The following CADPS variants were observed in gnomAD, a reference collection of about 807,000 sequenced individuals.
The protein encoded by CADPS is calcium dependent secretion activator, also known as calcium-dependent secretion activator 1.
In CADPS, 57 loss-of-function variants were observed where a neutral mutation model predicts 167.3. The ratio of observed to expected loss-of-function variants is 0.34; its 90% CI spans 0.28 to 0.42. The LOEUF (loss-of-function observed/expected upper bound fraction) is 0.42. Among genes scored for constraint, CADPS ranks in the 20% least tolerant of loss-of-function variants. The pLI is 1.00. For synonymous variants in CADPS, 676 were observed against 635.3 expected (o/e 1.06, Z -0.96); for missense variants, 1,414 against 1,738.1 (o/e 0.81, Z 3.32).
At position 62,593,576 on chromosome 3, in the gene CADPS, T is replaced by C. The variant is rs147782255; in HGVS notation, c.1326-828A>G. ...CCCCAGGTCCAGGGCACCTGTTCCA[T>C]TGCACTCAGGGGGCAATCTGGACCC... On this transcript the variant is annotated intron_variant, in intron 6 of 29. Coordinates refer to ENST00000383710, the MANE Select transcript of CADPS (RefSeq NM_003716.4). Among the ~76,000 whole-genome samples the C allele has an allele frequency of 1.2e-4, 18 of 152,286 alleles. No homozygotes were observed. In the South Asian group the frequency reaches 1.7e-3, roughly 14 times the overall value.
At chr3:62,463,014 A>C (rs556923245) in intron 26 of CADPS, among the ~76,000 whole-genome samples, 8 of 152,236 alleles carry the variant, frequency 5.3e-5, no homozygotes, top group African/African-American at 1.9e-4. Flanking sequence ...TAAGGAGGGA[A>C]GTTACGGGCC....
chr3:62,771,418 A>C (rs2088712336), intron 1 of CADPS, among the ~76,000 whole-genome samples: 1 of 152,170 alleles, frequency 6.6e-6, no homozygotes, highest in African/African-American at 2.4e-5. Context: ...AGCTTGCAAA[A>C]GCCAGTCTAA....
chr3:62,407,346 G>T (rs537055358), intron 28 of CADPS, among the ~76,000 whole-genome samples: 27 of 152,300 alleles, frequency 1.8e-4, no homozygotes, highest in Middle Eastern at 3.4e-3. Flanking sequence ...CCATGCAATT[G>T]TGTTGTAAAG....
intron 17 of CADPS, among the ~76,000 whole-genome samples, chr3:62,506,064 G>T (rs1005126527): frequency 6.6e-6 from 1 of 152,138 alleles, no homozygotes; most frequent in African/African-American, 2.4e-5. Context: ...CCAAGCCAGA[G>T]AATAACATCA....
rs780996482 is a variant in CADPS, at chr3:62,492,396, C to A, written c.2778G>T (p.Leu926=). ...CATCCATGTCTACTGCAAAGAGTGACAGGAACGTCTCCGCATGCTCCACCA... is the reference window on the plus strand; with the variant it reads ...CATCCATGTCTACTGCAAAGAGTGAAAGGAACGTCTCCGCATGCTCCACCA... ...DLMVEHAETF[L]SLFAVDMDAA... Residue 926 remains leucine, a synonymous_variant, in exon 20 of 30, where the codon CTG becomes CTT. Transcript: ENST00000383710. 6.2e-7 allele frequency: 1 copy of A among 1,614,100 alleles called. No homozygotes were observed. Among genetic ancestry groups the A allele is most frequent in the Non-Finnish European group, 8.5e-7 (1 of 1,179,954 alleles).
intron 1 of CADPS, among the ~76,000 whole-genome samples, chr3:62,798,018 T>G (rs770927335): frequency 6.6e-6 from 1 of 152,130 alleles, no homozygotes; most frequent in Non-Finnish European, 1.5e-5. Flanking sequence ...GGCACTACAT[T>G]TGGAGCTGTG....
chr3:62,826,144 T>A (rs74662761), intron 1 of CADPS, among the ~76,000 whole-genome samples: 3,933 of 152,274 alleles, frequency 0.026, 74 homozygotes, highest in Middle Eastern at 0.065. Context: ...TGGAGGCAGA[T>A]GACAGTCAGT....
intron 25 of CADPS, among the ~76,000 whole-genome samples, 192 bp downstream of exon 25, chr3:62,466,147 C>T (rs1164369380): frequency 1.3e-5 from 2 of 152,188 alleles, no homozygotes; most frequent in African/African-American, 4.8e-5. Context: ...TATGCCACTT[C>T]ATCAATTTAT....
Position 62,438,137 on chromosome 3 carries a change from G to A in CADPS, c.3744C>T (p.Val1248=), listed in dbSNP as rs2055532329. Reference sequence around the variant, plus strand: ...ACCTTTCTATGTACATCTCCTCATTGACCTTATCACGCAGGACATCCTGAG... The same window carrying A: ...ACCTTTCTATGTACATCTCCTCATTAACCTTATCACGCAGGACATCCTGAG... ...RHSQDVLRDK[V]NEEMYIERLF... The change falls in exon 28 of 30, where the codon GTC becomes GTT. Residue 1248 remains valine, a synonymous_variant. Coordinates refer to ENST00000383710, the MANE Select transcript of CADPS (RefSeq NM_003716.4). The surrounding 1 kb of genome is among the most constrained non-coding windows in gnomAD (Gnocchi z 4.7). 6.2e-7 allele frequency: 1 copy of A among 1,613,318 alleles called. No individual in the cohort carries two copies. The highest frequency in any genetic ancestry group is 1.3e-5 in the African/African-American group (1 of 74,896).
At chr3:62,579,954 G>A (rs1015535929) in intron 8 of CADPS, among the ~76,000 whole-genome samples, 1 of 152,162 alleles carries the variant, frequency 6.6e-6, no homozygotes. Flanking sequence ...GGAAGCAGGG[G>A]TGAAAGGTTG....
chr3:62,402,737 A>T (rs1280791865), intron 29 of CADPS, among the ~76,000 whole-genome samples: 2 of 152,266 alleles, frequency 1.3e-5, no homozygotes, highest in Non-Finnish European at 2.9e-5. Context: ...ATTAAACTAT[A>T]AATGAAATTG....
chr3:62,800,884 G>A (rs1370032335), intron 1 of CADPS, among the ~76,000 whole-genome samples: 1 of 152,092 alleles, frequency 6.6e-6, no homozygotes, highest in Non-Finnish European at 1.5e-5. Flanking sequence ...TTTACACCTA[G>A]AGCCCCCAGT....
At chr3:62,554,539 A>G (rs527464173) in intron 10 of CADPS, among the ~76,000 whole-genome samples, 1 of 152,236 alleles carries the variant, frequency 6.6e-6, no homozygotes, top group Non-Finnish European at 1.5e-5. Flanking sequence ...AGTCCTCCCC[A>G]TTTGCACACT....
At chr3:62,598,361 T>C (rs2059216470) in intron 6 of CADPS, among the ~76,000 whole-genome samples, 1 of 152,188 alleles carries the variant, frequency 6.6e-6, no homozygotes, top group African/African-American at 2.4e-5. Flanking sequence ...CTGTGGGAAT[T>C]CTGGCCTTTT....
rs2059858275 is a variant in CADPS, at chr3:62,465,610, C to A, written c.3553-160G>T. Among the ~76,000 whole-genome samples the A allele has an allele frequency of 6.6e-6, 1 of 152,152 alleles. No individual in the cohort carries two copies. Among genetic ancestry groups the A allele is most frequent in the African/African-American group, 2.4e-5 (1 of 41,428 alleles). On this transcript the variant is annotated intron_variant, in intron 25 of 29. Coordinates refer to ENST00000383710, the MANE Select transcript of CADPS (RefSeq NM_003716.4). This position sits in a 1 kb window ranked among gnomAD's most constrained non-coding sequence, Gnocchi z 4.1. ...GCCTTCGGAGAAAGGAATAGACTGC[C>A]TTTACATAGAAATATTTGACTTATC...
Position 62,458,863 on chromosome 3 carries a change from G to A in CADPS, c.3636+6504C>T, listed in dbSNP as rs773940019. On this transcript the variant is annotated intron_variant, in intron 26 of 29. Coordinates refer to ENST00000383710, the MANE Select transcript of CADPS (RefSeq NM_003716.4). This position sits in a 1 kb window ranked among gnomAD's most constrained non-coding sequence, Gnocchi z 4.6. ...AAAATACTGTGTGTGTCTTATGTTT[G>A]CTTTGAATGATATTCAGCTGTTCAC... Among the ~76,000 whole-genome samples the A allele has an allele frequency of 5.9e-5, 9 of 152,174 alleles. No individual in the cohort carries two copies. Among genetic ancestry groups the A allele is most frequent in the Non-Finnish European group, 1.3e-4 (9 of 68,014 alleles).
chr3:62,629,823 TG>T (rs2064944179), intron 6 of CADPS, among the ~76,000 whole-genome samples: 1 of 150,668 alleles, frequency 6.6e-6, no homozygotes, highest in African/African-American at 2.4e-5. Context: ...TTTCCCATCT[TG>T]GGGACTTTAA....
chr3:62,535,217 C>T (rs1218631123), intron 12 of CADPS, among the ~76,000 whole-genome samples: 4 of 149,942 alleles, frequency 2.7e-5, no homozygotes, highest in Admixed American at 2.7e-4. Context: ...GCAAGGTAAG[C>T]TTTTTTCTTT....
chr3:62,442,237 G>A (rs904893401), intron 27 of CADPS, among the ~76,000 whole-genome samples: 1 of 149,122 alleles, frequency 6.7e-6, no homozygotes, highest in Admixed American at 6.7e-5. Flanking sequence ...TTGAGATGGA[G>A]TTTCGCTCTT....
Sources: gnomAD v4.1 joint callset for allele counts (sites outside exome capture counted in the v4.1 genomes callset) on GRCh38, gnomAD v4.1.1 for gene constraint, Gnocchi (gnomAD v3.1) non-coding constraint, MANE v1.5 for transcripts, NCBI Gene and HGNC (gene_info 2026-07-23, HGNC 2026-07-21) for gene names.